Variants in PLXNA4 observed in about 807,000 individuals in gnomAD.
The protein encoded by PLXNA4 is plexin A4.
A neutral mutation model predicts 191.8 loss-of-function variants in PLXNA4; 44 were observed. The observed-to-expected ratio is 0.23, with a 90% CI of 0.18 to 0.29. The LOEUF (loss-of-function observed/expected upper bound fraction) is 0.29. Among genes scored for constraint, PLXNA4 ranks in the 10% least tolerant of loss-of-function variants. The pLI is 1.00. For synonymous variants in PLXNA4, 1,082 were observed against 1,009.5 expected (o/e 1.07, Z -1.36); for missense variants, 1,800 against 2,488.8 (o/e 0.72, Z 5.89).
intron 4 of PLXNA4, among the ~76,000 whole-genome samples, chr7:132,288,667 G>C (rs1056521352): frequency 1.7e-4 from 26 of 152,272 alleles, no homozygotes; most frequent in African/African-American, 6.3e-4. Flanking sequence ...ACACTAACTG[G>C]AGTGTACAGC....
chr7:132,189,054 G>A (rs1797006447), intron 14 of PLXNA4, among the ~76,000 whole-genome samples: 1 of 100,102 alleles, frequency 1.0e-5, no homozygotes, highest in African/African-American at 5.6e-5. Context: ...GAGAGAGAGA[G>A]AGAGAGAGAG....
chr7:132,296,704 C>G (rs924841205), intron 4 of PLXNA4, among the ~76,000 whole-genome samples: 11 of 152,078 alleles, frequency 7.2e-5, no homozygotes, highest in South Asian at 2.1e-4. Flanking sequence ...ATGATTCATG[C>G]CACCAAGGAA....
At chr7:132,282,610 G>GAAAGAAAAAAA (rs1800521891) in intron 4 of PLXNA4, among the ~76,000 whole-genome samples, 1 of 44,798 alleles carries the variant, frequency 2.2e-5, no homozygotes, top group East Asian at 9.1e-4. Context: ...CCTTGTCTCA[G>GAAAGAAAAAAA]AAAAAAAAAA....
chr7:132,194,342 T>A (rs1216158483), intron 13 of PLXNA4, among the ~76,000 whole-genome samples, 163 bp from the exon 14 acceptor site: 2 of 152,194 alleles, frequency 1.3e-5, no homozygotes, highest in African/African-American at 4.8e-5. Context: ...CAGGGGCTTC[T>A]CCTTAATTGT....
At chr7:132,323,555 CT>C (rs1241763226) in intron 3 of PLXNA4, among the ~76,000 whole-genome samples, 2 of 152,156 alleles carry the variant, frequency 1.3e-5, no homozygotes, top group Non-Finnish European at 2.9e-5. Context: ...CAAAATAGGT[CT>C]GCTAGATCTT....
chr7:132,332,994 C>A (rs150437581), intron 3 of PLXNA4, among the ~76,000 whole-genome samples: 1 of 152,208 alleles, frequency 6.6e-6, no homozygotes, highest in African/African-American at 2.4e-5. Context: ...TTCTTGCTCT[C>A]TCTCACTCAC....
In PLXNA4 at chr7:132,133,107, A is replaced by T. The variant is rs765125797; in HGVS notation, c.5531T>A (p.Phe1844Tyr). Residue 1844 changes from phenylalanine (F) to tyrosine (Y), a missense_variant, in exon 31 of 32, where the codon TTC (phenylalanine) becomes TAC (tyrosine). By Grantham distance (22) the Phe-to-Tyr change is conservative. This residue lies in a region of PLXNA4 where 83 missense variants were observed against 81.6 expected (regional missense o/e 1.02). Transcript: ENST00000321063. ...AEQSRMHMNE[F>Y]NTMSALSEIF... ...CTCTGAGAGTGCACTCATGGTGTTG[A>T]ACTCATTCATGTGCATCCGGGACTG... 24 of 1,614,158 alleles carry T rather than the reference A, an allele frequency of 1.5e-5. No individual in the cohort carries two copies. The highest frequency in any genetic ancestry group is 1.9e-5 in the Non-Finnish European group (22 of 1,180,022).
chr7:132,628,431 A>G (rs1803425710), intron 2 of PLXNA4, among the ~76,000 whole-genome samples: 1 of 151,300 alleles, frequency 6.6e-6, no homozygotes, highest in East Asian at 1.9e-4. Context: ...TTGAAAATTC[A>G]TATTTTCTGT....
At chr7:132,466,299 C>T (rs1216747303) in intron 3 of PLXNA4, among the ~76,000 whole-genome samples, 2 of 152,218 alleles carry the variant, frequency 1.3e-5, no homozygotes, top group Non-Finnish European at 2.9e-5. Flanking sequence ...CTGAGCCCAA[C>T]AGGGCATGAT....
intron 5 of PLXNA4, among the ~76,000 whole-genome samples, chr7:132,237,741 C>G (rs931333138): frequency 4.6e-5 from 7 of 152,256 alleles, no homozygotes; most frequent in Non-Finnish European, 1.0e-4. Context: ...CGTGCCATCA[C>G]TGTGAGAAGG....
intron 18 of PLXNA4, 106 bp from the exon 19 acceptor site, chr7:132,180,838 G>C (rs1584805941): frequency 1.3e-6 from 2 of 1,502,110 alleles, no homozygotes; most frequent in African/African-American, 1.4e-5. Context: ...TGGTGAGCTG[G>C]TGAAGAAGCC....
chr7:132,361,498 C>T (rs558674600), intron 3 of PLXNA4, among the ~76,000 whole-genome samples: 8 of 152,278 alleles, frequency 5.3e-5, no homozygotes, highest in Admixed American at 2.0e-4. Context: ...AGAGGCTGCA[C>T]CACAACCAGT....
At chr7:132,554,938 G>C (rs1157177007) in intron 1 of PLXNA4, among the ~76,000 whole-genome samples, 1 of 151,178 alleles carries the variant, frequency 6.6e-6, no homozygotes, top group African/African-American at 2.4e-5. Flanking sequence ...TATCAGGTAG[G>C]CTCCAGGCAA....
At chr7:132,252,299 GTTTTTTTTTTTTTTTT>G (rs71178032) in intron 4 of PLXNA4, among the ~76,000 whole-genome samples, 4 of 75,342 alleles carry the variant, frequency 5.3e-5, no homozygotes, top group Admixed American at 2.0e-4. Context: ...CATTCTAAAA[GTTTTTTTTTTTTTTTT>G]TTTTTTTTTT....
At chr7:132,175,174 G>A (rs528876749) in intron 20 of PLXNA4, among the ~76,000 whole-genome samples, 7 of 152,144 alleles carry the variant, frequency 4.6e-5, no homozygotes, top group Admixed American at 1.3e-4. Flanking sequence ...GATGATGTGG[G>A]GTGGTGGCTG....
intron 19 of PLXNA4, among the ~76,000 whole-genome samples, 181 bp from the exon 20 acceptor site, chr7:132,180,102 G>A (rs1796657568): frequency 6.6e-6 from 1 of 152,178 alleles, no homozygotes; most frequent in Non-Finnish European, 1.5e-5. Context: ...GCTTAACAGA[G>A]CTCACCCCCA....
intron 3 of PLXNA4, among the ~76,000 whole-genome samples, chr7:132,358,045 T>C (rs891489296): frequency 1.3e-5 from 2 of 152,234 alleles, no homozygotes; most frequent in Admixed American, 1.3e-4. Context: ...TGTGTCTCAA[T>C]GGAGATGAGG....
intron 3 of PLXNA4, among the ~76,000 whole-genome samples, chr7:132,333,826 C>T (rs999166119): frequency 1.3e-5 from 2 of 152,210 alleles, no homozygotes; most frequent in African/African-American, 4.8e-5. Context: ...GTCTTATAAA[C>T]ACTGCCAGCA....
At chr7:132,528,858 A>G (rs1799512282) in intron 1 of PLXNA4, among the ~76,000 whole-genome samples, 1 of 152,192 alleles carries the variant, frequency 6.6e-6, no homozygotes, top group South Asian at 2.1e-4. Context: ...CCATTCACTT[A>G]TGGTTCACAC....
Sources: allele counts gnomAD v4.1 joint callset (sites outside exome capture counted in the v4.1 genomes callset), GRCh38; gene constraint gnomAD v4.1.1; regional missense constraint gnomAD v4.1.1; transcripts MANE v1.5; gene names NCBI Gene and HGNC (gene_info 2026-07-23, HGNC 2026-07-21).